EGFL7: variants seen among roughly 807,000 people sequenced by gnomAD.
EGFL7 encodes epidermal growth factor-like protein 7.
EGFL7 carries 48 observed loss-of-function variants against 37.1 expected under a neutral mutation model. The ratio of observed to expected loss-of-function variants is 1.29; its 90% CI spans 1.03 to 1.65. The LOEUF (loss-of-function observed/expected upper bound fraction) is 1.65. Ranked by LOEUF, EGFL7 falls within the 40% of genes most tolerant of loss-of-function variation. EGFL7 has a pLI of 0.00. For missense variants in EGFL7, 384 were observed against 378.9 expected (o/e 1.01, Z -0.11); for synonymous variants, 180 against 156.8 (o/e 1.15, Z -1.10).
rs1231104718 is a variant in EGFL7, at chr9:136,668,599, C to T, written c.123C>T (p.Ser41=). The T allele has an allele frequency of 5.0e-6, 8 of 1,608,580 alleles. No individual in the cohort carries two copies. The highest frequency in any genetic ancestry group is 2.2e-5 in the East Asian group (1 of 44,888). Residue 41 remains serine, a synonymous_variant, in exon 5 of 11, where the codon TCC becomes TCT. Transcript: ENST00000308874. ...CAVRAHGDPV[S]ESFVQRVYQP... ...TCCGGGCTCACGGGGACCCTGTCTC[C>T]GAGTCGTTCGTGCAGCGTGTGTACC... is the stretch of plus-strand genomic sequence containing the variant.
intron 6 of EGFL7, 56 bp from the exon 7 acceptor site, chr9:136,669,858 C>T (rs1396595047): frequency 1.1e-5 from 16 of 1,494,620 alleles, no homozygotes; most frequent in Non-Finnish European, 1.4e-5. Context: ...TAGCAGCTGC[C>T]CCCACAGGGT....
chr9:136,669,497 G>A (rs1421126527), intron 5 of EGFL7, 109 bp from the exon 6 acceptor site: 2 of 762,310 alleles, frequency 2.6e-6, no homozygotes, highest in East Asian at 5.4e-5. Flanking sequence ...GAAGACCCTT[G>A]GGGGCATGCT....
chr9:136,668,355 C>T lies in EGFL7; in HGVS notation c.73C>T (p.Arg25Trp), dbSNP rs372445708. 1.1e-5 allele frequency: 18 copies of T among 1,598,720 alleles called. No homozygotes were observed. The highest frequency in any genetic ancestry group is 1.1e-4 in the East Asian group (5 of 44,650). ...AGTGGGCGGCACAGAGCACGCCTAC[C>T]GGCCCGGGTGAGCCAAGCCCTAGCC... ...LAVGGTEHAY[R>W]PGRRVCAVRA... Residue 25 changes from arginine (R) to tryptophan (W), a missense_variant, in exon 4 of 11, where the codon CGG becomes TGG. Coordinates refer to ENST00000308874, the MANE Select transcript of EGFL7 (RefSeq NM_016215.5).
Position 136,669,681 on chromosome 9 carries a change from C to A in EGFL7, c.273C>A (p.Gly91=). The A allele has an allele frequency of 1.2e-6, 2 of 1,607,718 alleles. No homozygotes were observed. Among genetic ancestry groups the A allele is most frequent in the Non-Finnish European group, 1.7e-6 (2 of 1,178,108 alleles). ...GGCCTCGCTACGCGTGCTGCCCCGG[C>A]TGGAAGAGGACCAGCGGGCTTCCTG... ...PARPRYACCP[G]WKRTSGLPGA... Residue 91 remains glycine (G), a synonymous_variant, in exon 6 of 11, where the codon GGC becomes GGA. Coordinates refer to ENST00000308874, the MANE Select transcript of EGFL7 (RefSeq NM_016215.5).
chr9:136,669,286 G>A (rs528872726), intron 5 of EGFL7, among the ~76,000 whole-genome samples: 4 of 152,322 alleles, frequency 2.6e-5, no homozygotes, highest in East Asian at 1.9e-4. Context: ...GCCGTAGGCC[G>A]GGCACACCCT....
chr9:136,672,593 T>C lies in EGFL7; in HGVS notation c.*307T>C, dbSNP rs370147455. ...GCTCCCTGCTGGAGCCTGGGACCCA[T>C]GGCACAGGCCAGGCAGCCCGGAGGC... On this transcript the variant is annotated 3_prime_UTR_variant, in exon 11 of 11. Transcript: ENST00000308874. 33 of 533,808 alleles carry C rather than the reference T, an allele frequency of 6.2e-5. No homozygotes were observed. The highest frequency in any genetic ancestry group is 3.6e-4 in the African/African-American group (19 of 52,854). 33.1% of individuals were successfully genotyped at this position (533,808 alleles called of 1,614,324 possible).
chr9:136,661,943 C>A (rs1845171081), upstream of EGFL7, among the ~76,000 whole-genome samples: 1 of 152,212 alleles, frequency 6.6e-6, no homozygotes, highest in Non-Finnish European at 1.5e-5. Flanking sequence ...AGAGGCCCTG[C>A]TCTCCTGGGG....
At position 136,663,466 on chromosome 9, in the gene EGFL7, C is replaced by T. The variant is rs1421862231; in HGVS notation, c.-294C>T. ...TGGCTGGGCCCGCTGTGAGGGGCTTCGCGCTACGCCCTGCGGTGTCCCGAG... is the reference window on the plus strand; with the variant it reads ...TGGCTGGGCCCGCTGTGAGGGGCTTTGCGCTACGCCCTGCGGTGTCCCGAG... On this transcript the variant is annotated 5_prime_UTR_variant, in exon 2 of 11. Coordinates refer to ENST00000308874, the MANE Select transcript of EGFL7 (RefSeq NM_016215.5). The T allele has an allele frequency of 2.0e-5, 3 of 152,302 alleles. No individual in the cohort carries two copies. Among genetic ancestry groups the T allele is most frequent in the African/African-American group, 4.8e-5 (2 of 41,472 alleles). 9.4% of individuals were successfully genotyped at this position (152,302 alleles called of 1,614,324 possible). A position where few individuals can be genotyped will look rare whatever the true frequency, so the allele number is the denominator to read the frequency against.
In EGFL7 at chr9:136,668,360, CG is replaced by C; in HGVS notation, c.80+1del. 6.3e-7 allele frequency: 1 copy of C among 1,596,046 alleles called. No homozygotes were observed. The highest frequency in any genetic ancestry group is 8.5e-7 in the Non-Finnish European group (1 of 1,170,992). The stretch of plus-strand genomic sequence containing the variant: ...GCGGCACAGAGCACGCCTACCGGCC[CG>C]GGTGAGCCAAGCCCTAGCCTGGGAG... ...VGGTEHAYRP[G>X]RRVCAVRAHG... On this transcript the variant is annotated frameshift_variant and splice_region_variant, in exon 4 of 11. Coordinates refer to ENST00000308874, the MANE Select transcript of EGFL7 (RefSeq NM_016215.5). LOFTEE classifies it high-confidence loss of function.
rs1245521271 is a variant in EGFL7, at chr9:136,666,614, C to T, written c.-42-1627C>T. Among the ~76,000 whole-genome samples the T allele has an allele frequency of 6.6e-6, 1 of 152,028 alleles. No homozygotes were observed. Among genetic ancestry groups the T allele is most frequent in the African/African-American group, 2.4e-5 (1 of 41,390 alleles). Reference sequence around the variant, plus strand: ...AGCACCGCTTCCTGTCCAGGCGACTCTCAGGAATTGTGGGGGGGAGCTGTG... The same window carrying T: ...AGCACCGCTTCCTGTCCAGGCGACTTTCAGGAATTGTGGGGGGGAGCTGTG... On this transcript the variant is annotated intron_variant, in intron 3 of 10. Transcript: ENST00000308874. The surrounding 1 kb of genome is among the most constrained non-coding windows in gnomAD (Gnocchi z 6.8).
At chr9:136,668,127 C>A in intron 3 of EGFL7, 114 bp from the exon 4 acceptor site, 3 of 618,848 alleles carry the variant, frequency 4.8e-6, no homozygotes, top group Non-Finnish European at 8.3e-6. Flanking sequence ...GCTGTCCCAC[C>A]GGTGGAGGCT....
chr9:136,665,985 G>A (rs1365383762), intron 3 of EGFL7, among the ~76,000 whole-genome samples: 1 of 146,118 alleles, frequency 6.8e-6, no homozygotes, highest in Non-Finnish European at 1.5e-5. Context: ...GGGGCGGAGC[G>A]GGCCGGGGCG....
chr9:136,670,618 T>G (rs777307469), intron 8 of EGFL7: 1 of 772,740 alleles, frequency 1.3e-6, no homozygotes, highest in African/African-American at 1.7e-5. Context: ...CGACGGGACA[T>G]TATTACTTTT....
At position 136,668,270 on chromosome 9, in the gene EGFL7, G is replaced by A. The variant is rs761065619; in HGVS notation, c.-13G>A. ...CCCAGAGGAGAAGGCCACCCCGCCT[G>A]GAGGCACAGGCCATGAGGGGCTCTC... On this transcript the variant is annotated 5_prime_UTR_variant, in exon 4 of 11. Transcript: ENST00000308874. 1 of 1,598,846 alleles carries A rather than the reference G, an allele frequency of 6.3e-7. No homozygotes were observed.
intron 7 of EGFL7, 51 bp from the exon 8 acceptor site, chr9:136,670,118 G>C (rs549004636): frequency 6.2e-7 from 1 of 1,610,716 alleles, no homozygotes; most frequent in South Asian, 1.1e-5. Flanking sequence ...GGAGCTGTGT[G>C]GGCAGGACCC....
chr9:136,672,257 A>G lies in EGFL7; in HGVS notation c.800-7A>G, dbSNP rs1399253702. The G allele has an allele frequency of 6.2e-7, 1 of 1,613,328 alleles. No homozygotes were observed. ...TGATCTCTGACCTTCGCCTCATCCA[A>G]CCCTAGGCTCCTGCAAGAAAGACTC... On this transcript the variant is annotated splice_region_variant and splice_polypyrimidine_tract_variant and intron_variant, in intron 10 of 10. Coordinates refer to ENST00000308874, the MANE Select transcript of EGFL7 (RefSeq NM_016215.5).
At chr9:136,662,755 C>T (rs1845224374), upstream of EGFL7, among the ~76,000 whole-genome samples, 1 of 152,162 alleles carries the variant, frequency 6.6e-6, no homozygotes. Flanking sequence ...TGTCCAGGCC[C>T]CCTCACACGG....
At position 136,671,027 on chromosome 9, in the gene EGFL7, TGGGG is replaced by T. The variant is rs57311093; in HGVS notation, c.636+25_636+28del. The T allele has an allele frequency of 0.31, 200,431 of 654,162 alleles. 27,931 individuals are homozygous for T. Among genetic ancestry groups the T allele is most frequent in the Middle Eastern group, 0.37 (1,028 of 2,774 alleles). 40.5% of individuals were successfully genotyped at this position (654,162 alleles called of 1,614,324 possible). A position where few individuals can be genotyped will look rare whatever the true frequency, so the allele number is the denominator to read the frequency against. ...CCTGCTGGAGGAGGTGAGGCATTGG[TGGGG>T]GGGGGGGGGGGCAGGCAGTCCAGGG... On this transcript the variant is annotated intron_variant, in intron 9 of 10. Transcript: ENST00000308874.
At chr9:136,664,404 A>G (rs1845332924) in intron 2 of EGFL7, among the ~76,000 whole-genome samples, 2 of 152,126 alleles carry the variant, frequency 1.3e-5, no homozygotes, top group South Asian at 4.1e-4. Flanking sequence ...GGTTACATGG[A>G]GAGACCTCCA....
Sources: allele counts gnomAD v4.1 joint callset (sites outside exome capture counted in the v4.1 genomes callset), GRCh38; gene constraint gnomAD v4.1.1; non-coding constraint Gnocchi (gnomAD v3.1); transcripts MANE v1.5; gene names NCBI Gene and HGNC (gene_info 2026-07-23, HGNC 2026-07-21).